CELSR3: variants seen among roughly 807,000 people sequenced by gnomAD.
CELSR3 encodes cadherin EGF LAG seven-pass G-type receptor 3, also known as EGF-like protein 1.
A neutral mutation model predicts 270.0 loss-of-function variants in CELSR3; 73 were observed. That is an observed-to-expected ratio of 0.27 (90% CI 0.22 to 0.33). The LOEUF is 0.33. Ranked by LOEUF, CELSR3 falls within the 10% of genes least tolerant of loss-of-function variation. The probability of loss-of-function intolerance (pLI) is 1.00; values close to 1 mark genes in which losing one functional copy is unlikely to be tolerated. For missense variants in CELSR3, 3,614 were observed against 4,533.8 expected (o/e 0.80, Z 5.83); for synonymous variants, 1,780 against 1,905.4 (o/e 0.93, Z 1.71).
Position 48,642,142 on chromosome 3 carries a change from G to C in CELSR3, c.8666-133C>G. The C allele has an allele frequency of 1.1e-6, 1 of 923,934 alleles. No homozygotes were observed. The highest frequency in any genetic ancestry group is 1.6e-6 in the Non-Finnish European group (1 of 630,740). The allele number at this position is 923,934 out of a possible 1,614,324, so 57.2% of individuals were successfully genotyped here. A position where few individuals can be genotyped will look rare whatever the true frequency, so the allele number is the denominator to read the frequency against. The stretch of plus-strand genomic sequence containing the variant: ...GACAGGAACCGGGGCTTGAAGTGGA[G>C]GTAGCAGCAGAAGGGCTGGGACTTA... On this transcript the variant is annotated intron_variant, in intron 31 of 34. Transcript: ENST00000164024. This position sits in a 1 kb window ranked among gnomAD's most constrained non-coding sequence, Gnocchi z 6.1.
chr3:48,650,433 A>AGGGGGGGGGGGGGGGGGGGGG lies in CELSR3; in HGVS notation c.6472+46_6472+47insCCCCCCCCCCCCCCCCCCCCC. On this transcript the variant is annotated intron_variant, in intron 16 of 34. Coordinates refer to ENST00000164024, the MANE Select transcript of CELSR3 (RefSeq NM_001407.3). This position sits in a 1 kb window ranked among gnomAD's most constrained non-coding sequence, Gnocchi z 5.1. ...GACATGGCTCTAGCAGTCAGAGTAC[A>AGGGGGGGGGGGGGGGGGGGGG]GGCCCACCCCCACCCTCAGTGATGT... The AGGGGGGGGGGGGGGGGGGGGG allele has an allele frequency of 3.2e-6, 3 of 927,816 alleles. No individual in the cohort carries two copies. The highest frequency in any genetic ancestry group is 2.0e-5 in the Admixed American group (1 of 49,590). 57.5% of individuals were successfully genotyped at this position (927,816 alleles called of 1,614,324 possible). A position where few individuals can be genotyped will look rare whatever the true frequency, so the allele number is the denominator to read the frequency against.
At position 48,651,193 on chromosome 3, in the gene CELSR3, C is replaced by A; in HGVS notation, c.6187-118G>T. The A allele has an allele frequency of 7.0e-7, 1 of 1,436,976 alleles. No homozygotes were observed. Among genetic ancestry groups the A allele is most frequent in the Non-Finnish European group, 9.5e-7 (1 of 1,048,230 alleles). 89.0% of individuals were successfully genotyped at this position (1,436,976 alleles called of 1,614,324 possible). A position where few individuals can be genotyped will look rare whatever the true frequency, so the allele number is the denominator to read the frequency against. On this transcript the variant is annotated intron_variant, in intron 14 of 34. Transcript: ENST00000164024. The surrounding 1 kb of genome is among the most constrained non-coding windows in gnomAD (Gnocchi z 7.4). ...TGGGCCAGAGGACACCTGGGTCATG[C>A]GTGAAGCCAAGGGAGGGGTCACGGG...
In CELSR3 at chr3:48,653,811, G is replaced by C. The variant is rs749795914; in HGVS notation, c.5279-23C>G. On this transcript the variant is annotated intron_variant, in intron 8 of 34. Coordinates refer to ENST00000164024, the MANE Select transcript of CELSR3 (RefSeq NM_001407.3). The surrounding 1 kb of genome is among the most constrained non-coding windows in gnomAD (Gnocchi z 6.5). ...TAGCTGAGTGGATAAGAGAAACAGG[G>C]TTACAGCCCCTGCCCCAGGAACAGA... The C allele has an allele frequency of 1.2e-6, 2 of 1,612,960 alleles. No individual in the cohort carries two copies. Among genetic ancestry groups the C allele is most frequent in the Non-Finnish European group, 1.7e-6 (2 of 1,179,050 alleles).
rs764929255 is a variant in CELSR3, at chr3:48,660,251, C to T, written c.2384G>A (p.Gly795Asp). Reference protein sequence around the residue: ...ANSAISYQITGGNTRNRFAIS... With the variant: ...ANSAISYQITDGNTRNRFAIS... ...GGCAAAGCGATTCCGGGTGTTGCCGCCTGTGATCTGGTAGCTGATGGCACT... is the reference window on the plus strand; with the variant it reads ...GGCAAAGCGATTCCGGGTGTTGCCGTCTGTGATCTGGTAGCTGATGGCACT... The change falls in exon 1 of 35, where the codon GGC (glycine) becomes GAC (aspartate). Residue 795 changes from glycine (G) to aspartate (D), a missense_variant. This residue lies in a region of CELSR3 where 215 missense variants were observed against 241.2 expected (regional missense o/e 0.89). Transcript: ENST00000164024. This position sits in a 1 kb window ranked among gnomAD's most constrained non-coding sequence, Gnocchi z 5.5. The T allele has an allele frequency of 4.6e-5, 75 of 1,614,052 alleles. No individual in the cohort carries two copies. The highest frequency in any genetic ancestry group is 5.7e-5 in the Non-Finnish European group (67 of 1,180,050).
rs1278475307 is a variant in CELSR3 at position 48,660,945 on chromosome 3, C to T, written c.1690G>A (p.Val564Met). The T allele has an allele frequency of 1.9e-6, 3 of 1,613,926 alleles. No individual in the cohort carries two copies. The highest frequency in any genetic ancestry group is 2.5e-6 in the Non-Finnish European group (3 of 1,180,036). Reference protein sequence around the residue: ...VREDVRPHTVVLRVTATDRDK... With the variant: ...VREDVRPHTVMLRVTATDRDK... ...CGGTCAGTGGCCGTGACGCGCAGCA[C>T]GACTGTGTGGGGGCGCACATCCTCG... Residue 564 changes from valine to methionine, a missense_variant, in exon 1 of 35, where the codon GTG becomes ATG. Val to Met is a conservative substitution (Grantham distance 21). Transcript: ENST00000164024. This position sits in a 1 kb window ranked among gnomAD's most constrained non-coding sequence, Gnocchi z 5.5.
chr3:48,644,218 T>C lies in CELSR3; in HGVS notation c.8163A>G (p.Ala2721=), dbSNP rs779602935. Residue 2721 remains alanine, a splice_region_variant and synonymous_variant, in exon 27 of 35, where the codon GCA becomes GCG. Transcript: ENST00000164024. This position sits in a 1 kb window ranked among gnomAD's most constrained non-coding sequence, Gnocchi z 4.8. ...TGQREAKKTS[A]LTLRSSFLLL... ...CTTCCTCCAGCCAGCCAACTCACAG[T>C]GCAGAGGTCTTCTTGGCCTCCCTCT... 2.5e-6 allele frequency: 4 copies of C among 1,612,494 alleles called. No homozygotes were observed. The highest frequency in any genetic ancestry group is 1.3e-5 in the African/African-American group (1 of 74,996).
intron 16 of CELSR3, among the ~76,000 whole-genome samples, chr3:48,649,818 C>T (rs1559478902): frequency 6.6e-6 from 1 of 152,124 alleles, no homozygotes; most frequent in Non-Finnish European, 1.5e-5. Flanking sequence ...AATCCCCTCC[C>T]CGCAACAGGT....
At position 48,646,685 on chromosome 3, in the gene CELSR3, C is replaced by T. The variant is rs990599722; in HGVS notation, c.7295+78G>A. The T allele has an allele frequency of 4.9e-6, 7 of 1,417,966 alleles. No individual in the cohort carries two copies. Among genetic ancestry groups the T allele is most frequent in the Non-Finnish European group, 5.8e-6 (6 of 1,037,562 alleles). The allele number at this position is 1,417,966 out of a possible 1,614,324, so 87.8% of individuals were successfully genotyped here. On this transcript the variant is annotated intron_variant, in intron 21 of 34. Coordinates refer to ENST00000164024, the MANE Select transcript of CELSR3 (RefSeq NM_001407.3). The surrounding 1 kb of genome is among the most constrained non-coding windows in gnomAD (Gnocchi z 4.8). Reference sequence around the variant, plus strand: ...GTGCTCCTCTCTGTGTGTTGTGAACCTACGCATCTACCCACCAAAAAAGGG... The same window carrying T: ...GTGCTCCTCTCTGTGTGTTGTGAACTTACGCATCTACCCACCAAAAAAGGG...
In CELSR3 at chr3:48,642,541, G is replaced by A; in HGVS notation, c.8556-74C>T. On this transcript the variant is annotated intron_variant, in intron 30 of 34. Transcript: ENST00000164024. This position sits in a 1 kb window ranked among gnomAD's most constrained non-coding sequence, Gnocchi z 6.1. ...GCCTTGGAGGCTGGAGTGTCTTTGA[G>A]TGCACAGCCAGCTGCGGGTGGAATG... 6.7e-7 allele frequency: 1 copy of A among 1,503,208 alleles called. No homozygotes were observed. Among genetic ancestry groups the A allele is most frequent in the Non-Finnish European group, 9.1e-7 (1 of 1,103,928 alleles). 93.1% of individuals were successfully genotyped at this position (1,503,208 alleles called of 1,614,324 possible). A position where few individuals can be genotyped will look rare whatever the true frequency, so the allele number is the denominator to read the frequency against.
chr3:48,656,421 C>A lies in CELSR3; in HGVS notation c.4400-56G>T. The A allele has an allele frequency of 2.2e-6, 3 of 1,370,350 alleles. No individual in the cohort carries two copies. The South Asian group carries it at 5.1e-5, about 23-fold the overall frequency. 84.9% of individuals were successfully genotyped at this position (1,370,350 alleles called of 1,614,324 possible). On this transcript the variant is annotated intron_variant, in intron 2 of 34. Coordinates refer to ENST00000164024, the MANE Select transcript of CELSR3 (RefSeq NM_001407.3). ...ACGCCCACGCCCGCCCCTGCTCCGG[C>A]CCCTTCAAAGACCGCGCGCCCAGAG...
Position 48,654,504 on chromosome 3 carries a change from G to T in CELSR3, c.4989-52C>A, listed in dbSNP as rs770918488. On this transcript the variant is annotated intron_variant, in intron 6 of 34. Coordinates refer to ENST00000164024, the MANE Select transcript of CELSR3 (RefSeq NM_001407.3). This position sits in a 1 kb window ranked among gnomAD's most constrained non-coding sequence, Gnocchi z 5.4. Reference sequence around the variant, plus strand: ...GTGGGACTGGGGCCAGAGTAGAGTTGCTCCTGGGGGGCCACAGGAAGCAGG... The same window carrying T: ...GTGGGACTGGGGCCAGAGTAGAGTTTCTCCTGGGGGGCCACAGGAAGCAGG... 2.5e-5 allele frequency: 37 copies of T among 1,487,940 alleles called. No individual in the cohort carries two copies. In the South Asian group the frequency reaches 4.7e-4, roughly 19 times the overall value. The allele number at this position is 1,487,940 out of a possible 1,614,324, so 92.2% of individuals were successfully genotyped here. A position where few individuals can be genotyped will look rare whatever the true frequency, so the allele number is the denominator to read the frequency against.
In CELSR3 at chr3:48,651,795, C is replaced by T. The variant is rs950333037; in HGVS notation, c.5924-77G>A. 1.6e-5 allele frequency: 24 copies of T among 1,539,058 alleles called. No homozygotes were observed. The Admixed American group carries it at 5.1e-4, about 32-fold the overall frequency. ...AGCAGGCACCCGTCCCGAGTCCCTG[C>T]CTCCTTCAGGTTCCCCAGTCTTCAT... is the stretch of plus-strand genomic sequence containing the variant. On this transcript the variant is annotated intron_variant, in intron 12 of 34. Coordinates refer to ENST00000164024, the MANE Select transcript of CELSR3 (RefSeq NM_001407.3). This position sits in a 1 kb window ranked among gnomAD's most constrained non-coding sequence, Gnocchi z 7.4.
At position 48,640,298 on chromosome 3, in the gene CELSR3, A is replaced by AG. The variant is rs753413198; in HGVS notation, c.9286dup (p.Leu3096ProfsTer71). On this transcript the variant is annotated frameshift_variant, in exon 34 of 35. Transcript: ENST00000164024. LOFTEE classifies it high-confidence loss of function. This position sits in a 1 kb window ranked among gnomAD's most constrained non-coding sequence, Gnocchi z 7.5. ...GCATTCCTGGGACCCTGGCCGGCTCAGGGGACGTAGAACAGGGGCAGGGGC... is the reference window on the plus strand; with the variant it reads ...GCATTCCTGGGACCCTGGCCGGCTCAGGGGGACGTAGAACAGGGGCAGGGGC... 620 of 1,612,726 alleles carry AG rather than the reference A, an allele frequency of 3.8e-4. No homozygotes were observed. The highest frequency in any genetic ancestry group is 4.8e-4 in the Non-Finnish European group (568 of 1,179,980).
In CELSR3 at chr3:48,648,369, G is replaced by A; in HGVS notation, c.6870C>T (p.Gly2290=). The A allele has an allele frequency of 6.2e-7, 1 of 1,612,004 alleles. No individual in the cohort carries two copies. Among genetic ancestry groups the A allele is most frequent in the Non-Finnish European group, 8.5e-7 (1 of 1,179,694 alleles). Residue 2290 remains glycine (G), a synonymous_variant, in exon 19 of 35, where the codon GGC becomes GGT. Transcript: ENST00000164024. ...LGQRAPGGSP[G]SAGLVRHLEE... ...CCAGGTGCCTCACCAGTCCCGCGCT[G>A]CCTGGGGAGCCCCCAGGGGCCCGCT...
Position 48,648,257 on chromosome 3 carries a change from AC to A in CELSR3, c.6973+8del. On this transcript the variant is annotated splice_region_variant and intron_variant, in intron 19 of 34. Transcript: ENST00000164024. ...TGCTGTGCCCCGCCCTACCCCACCC[AC>A]AACGCACTGATATTAGGCGTCACCA... 11 of 514,888 alleles carry A rather than the reference AC, an allele frequency of 2.1e-5. No homozygotes were observed. Among genetic ancestry groups the A allele is most frequent in the Non-Finnish European group, 3.1e-5 (9 of 291,162 alleles). 31.9% of individuals were successfully genotyped at this position (514,888 alleles called of 1,614,324 possible). A position where few individuals can be genotyped will look rare whatever the true frequency, so the allele number is the denominator to read the frequency against.
chr3:48,641,418 G>C lies in CELSR3; in HGVS notation c.8931C>G (p.Asp2977Glu), dbSNP rs1449065419. ...TWGSERRLGL[D>E]TSKDAANNNQ... ...TGTTGTTAGCTGCATCCTTGCTGGTGTCCAGCCCCAGGCGCCTTTCAGAGC... is the reference window on the plus strand; with the variant it reads ...TGTTGTTAGCTGCATCCTTGCTGGTCTCCAGCCCCAGGCGCCTTTCAGAGC... Residue 2977 changes from aspartate to glutamate, a missense_variant, in exon 33 of 35, where the codon GAC (aspartate) becomes GAG (glutamate). Physicochemically the swap from Asp to Glu is conservative, Grantham distance 45. Coordinates refer to ENST00000164024, the MANE Select transcript of CELSR3 (RefSeq NM_001407.3). This position sits in a 1 kb window ranked among gnomAD's most constrained non-coding sequence, Gnocchi z 4.8. 1 of 1,612,402 alleles carries C rather than the reference G, an allele frequency of 6.2e-7. No individual in the cohort carries two copies. Among genetic ancestry groups the C allele is most frequent in the South Asian group, 1.1e-5 (1 of 91,072 alleles).
In CELSR3 at chr3:48,654,008, G is replaced by A; in HGVS notation, c.5153-5C>T. On this transcript the variant is annotated splice_polypyrimidine_tract_variant and splice_region_variant and intron_variant, in intron 7 of 34. Coordinates refer to ENST00000164024, the MANE Select transcript of CELSR3 (RefSeq NM_001407.3). The surrounding 1 kb of genome is among the most constrained non-coding windows in gnomAD (Gnocchi z 5.4). ...AGTGTAGCTTGGCTTGGCAGCCTGG[G>A]AGAGGAAAGCACATGGCGGACATGA... The A allele has an allele frequency of 6.2e-7, 1 of 1,612,248 alleles. No homozygotes were observed. Among genetic ancestry groups the A allele is most frequent in the Non-Finnish European group, 8.5e-7 (1 of 1,179,240 alleles).
Position 48,651,572 on chromosome 3 carries a change from C to T in CELSR3, c.6065+5G>A. ...CTCCCCATCGCCTCAGCCCCAGCCT[C>T]TTACCTGTGCTCACAGTGGTGCCCG... On this transcript the variant is annotated splice_donor_5th_base_variant and intron_variant, in intron 13 of 34. Coordinates refer to ENST00000164024, the MANE Select transcript of CELSR3 (RefSeq NM_001407.3). This position sits in a 1 kb window ranked among gnomAD's most constrained non-coding sequence, Gnocchi z 7.4. 6.3e-7 allele frequency: 1 copy of T among 1,580,676 alleles called. No homozygotes were observed. Among genetic ancestry groups the T allele is most frequent in the Non-Finnish European group, 8.6e-7 (1 of 1,160,504 alleles).
At position 48,655,800 on chromosome 3, in the gene CELSR3, G is replaced by T. The variant is rs752264010; in HGVS notation, c.4677C>A (p.Asn1559Lys). 1.3e-6 allele frequency: 2 copies of T among 1,562,840 alleles called. No individual in the cohort carries two copies. The highest frequency in any genetic ancestry group is 1.1e-5 in the South Asian group (1 of 90,220). The change falls in exon 4 of 35, where the codon AAC (asparagine) becomes AAA (lysine). Residue 1559 changes from asparagine to lysine, a missense_variant. Around this residue, in one of 7 missense-constraint regions of CELSR3, gnomAD observed 1,331 missense variants for 1,933.7 expected, o/e 0.69. Coordinates refer to ENST00000164024, the MANE Select transcript of CELSR3 (RefSeq NM_001407.3). The surrounding 1 kb of genome is among the most constrained non-coding windows in gnomAD (Gnocchi z 5.8). ...CCAGGGCCAGGAAGTCGTGCTTCTC[G>T]TTCAGGCGCCCGTTGTAGAAGAGCA... ...SGLLFYNGRL[N>K]EKHDFLALEL... is the part of the protein sequence containing the mutation.
Sources: gnomAD v4.1 joint callset for allele counts (sites outside exome capture counted in the v4.1 genomes callset) on GRCh38, gnomAD v4.1.1 for gene constraint, gnomAD v4.1.1 regional missense constraint, Gnocchi (gnomAD v3.1) non-coding constraint, MANE v1.5 for transcripts, NCBI Gene and HGNC (gene_info 2026-07-23, HGNC 2026-07-21) for gene names.